TUBGCP6: variants seen among roughly 807,000 people sequenced by gnomAD.
TUBGCP6 encodes the protein tubulin gamma complex component 6, also known as gamma-tubulin complex component 6.
TUBGCP6 carries 161 observed loss-of-function variants against 175.8 expected under a neutral mutation model. That is an observed-to-expected ratio of 0.92 (90% CI 0.81 to 1.04). The LOEUF is 1.04. TUBGCP6 is among the 50% of genes least tolerant of loss of function. The pLI, the probability that TUBGCP6 is intolerant of heterozygous loss-of-function variation, is 0.00. For synonymous variants in TUBGCP6, 1,173 were observed against 1,030.5 expected (o/e 1.14, Z -2.65); for missense variants, 2,572 against 2,433.0 (o/e 1.06, Z -1.20).
chr22:50,220,260 CAG>C lies in TUBGCP6; in HGVS notation c.4097_4098del (p.Ser1366Ter). 1 of 1,557,474 alleles carries C rather than the reference CAG, an allele frequency of 6.4e-7. No homozygotes were observed. The highest frequency in any genetic ancestry group is 8.7e-7 in the Non-Finnish European group (1 of 1,147,608). On this transcript the variant is annotated frameshift_variant, in exon 16 of 25. Transcript: ENST00000248846. LOFTEE classifies it high-confidence loss of function. ...GCCACCCTACTCTGACCTAGTTCTTCAGAGACACTGTCTCCCGGGGTGTTGGG... is the reference window on the plus strand; with the variant it reads ...GCCACCCTACTCTGACCTAGTTCTTCAGACACTGTCTCCCGGGGTGTTGGG... Reference protein sequence around the residue: ...WWPNTPGDSVSEELGPGRSGD... With the variant: ...WWPNTPGDSVXEELGPGRSGD...
Position 50,237,249 on chromosome 22 carries a change from G to C in TUBGCP6, c.905+2955C>G, listed in dbSNP as rs185737038. 3.0e-3 allele frequency among the ~76,000 whole-genome samples: 461 copies of C among 152,394 alleles called. 4 individuals carry two copies. The highest frequency in any genetic ancestry group is 0.011 in the African/African-American group (440 of 41,602). ...GGCCCCCCGTGGGGTCTTGGGACCT[G>C]TGGGAAAGCAGGGTTGATGTCTTGG... is the stretch of plus-strand genomic sequence containing the variant. On this transcript the variant is annotated intron_variant, in intron 2 of 24. Coordinates refer to ENST00000248846, the MANE Select transcript of TUBGCP6 (RefSeq NM_020461.4).
At chr22:50,231,532 A>C (rs2064691879) in intron 3 of TUBGCP6, among the ~76,000 whole-genome samples, 1 of 152,056 alleles carries the variant, frequency 6.6e-6, no homozygotes. Flanking sequence ...AAGATCAACA[A>C]AATTGACAAG....
In TUBGCP6 at chr22:50,243,911, C is replaced by G; in HGVS notation, c.549G>C (p.Glu183Asp). The G allele has an allele frequency of 6.2e-7, 1 of 1,614,068 alleles. No individual in the cohort carries two copies. The highest frequency in any genetic ancestry group is 1.3e-5 in the African/African-American group (1 of 75,062). Residue 183 changes from glutamate to aspartate, a missense_variant, in exon 1 of 25, where the codon GAG (glutamate) becomes GAC (aspartate). Physicochemically the swap from Glu to Asp is conservative, Grantham distance 45 (BLOSUM62 2). Coordinates refer to ENST00000248846, the MANE Select transcript of TUBGCP6 (RefSeq NM_020461.4). ...TGGGCAGGCCAGTGCCTGGAGCAGC[C>G]TCCATAACCTGAAGTGTTTCCTGGA... ...SMIQETLQVM[E>D]AAPGTGLPTV...
At chr22:50,218,989 G>T in intron 20 of TUBGCP6, 79 bp downstream of exon 20, 1 of 1,594,374 alleles carries the variant, frequency 6.3e-7, no homozygotes, top group Non-Finnish European at 8.5e-7. Flanking sequence ...AGCAGCAGGG[G>T]GCTGTGGGCG....
chr22:50,244,530 G>A lies in TUBGCP6; in HGVS notation c.-71C>T, dbSNP rs2064894172. On this transcript the variant is annotated 5_prime_UTR_variant, in exon 1 of 25. Coordinates refer to ENST00000248846, the MANE Select transcript of TUBGCP6 (RefSeq NM_020461.4). ...CCCGGGCTTCACTCACGCTCCGGAA[G>A]ACAGGGAGTGAGAGAGGGTCCGAAG... 2.0e-6 allele frequency: 3 copies of A among 1,497,718 alleles called. No homozygotes were observed. The highest frequency in any genetic ancestry group is 4.4e-5 in the Admixed American group (2 of 45,092). The allele number at this position is 1,497,718 out of a possible 1,614,324, so 92.8% of individuals were successfully genotyped here. A position where few individuals can be genotyped will look rare whatever the true frequency, so the allele number is the denominator to read the frequency against.
intron 4 of TUBGCP6, 59 bp from the exon 5 acceptor site, chr22:50,228,087 G>C: frequency 6.8e-7 from 1 of 1,464,758 alleles, no homozygotes; most frequent in South Asian, 1.4e-5. Context: ...CCGTGCCCAG[G>C]GCCTGAGGGG....
At chr22:50,230,021 C>T (rs1037864022) in intron 3 of TUBGCP6, among the ~76,000 whole-genome samples, 4 of 152,078 alleles carry the variant, frequency 2.6e-5, no homozygotes, top group African/African-American at 7.2e-5. Context: ...ATAGAGGGCT[C>T]ATGACAACCA....
chr22:50,233,301 G>A lies in TUBGCP6; in HGVS notation c.1116+15C>T, dbSNP rs773838693. The A allele has an allele frequency of 6.9e-6, 11 of 1,605,160 alleles. No homozygotes were observed. Among genetic ancestry groups the A allele is most frequent in the Middle Eastern group, 3.3e-4 (2 of 6,066 alleles). On this transcript the variant is annotated intron_variant, in intron 3 of 24. Coordinates refer to ENST00000248846, the MANE Select transcript of TUBGCP6 (RefSeq NM_020461.4). ...CAGCCCCACACCACTGTGGCGGGGAGTGAGCAGTTCTCACCTGGCAGAGCG... is the reference window on the plus strand; with the variant it reads ...CAGCCCCACACCACTGTGGCGGGGAATGAGCAGTTCTCACCTGGCAGAGCG...
rs372838144 is a variant in TUBGCP6, at chr22:50,219,593, T to C, written c.4315+51A>G. 1,247 of 1,601,480 alleles carry C rather than the reference T, an allele frequency of 7.8e-4. 9 individuals carry two copies. In the African/African-American group the frequency reaches 0.015, roughly 19 times the overall value. On this transcript the variant is annotated intron_variant, in intron 18 of 24. Transcript: ENST00000248846. ...AACCCACAGGAGGTGGAGCACGTGC[T>C]GGGAACCAGCCAGCCCAGGGCTCCC...
At chr22:50,240,512 T>C in intron 1 of TUBGCP6, 145 bp from the exon 2 acceptor site, 1 of 1,007,584 alleles carries the variant, frequency 9.9e-7, no homozygotes, top group Non-Finnish European at 1.4e-6. Context: ...CATACAATGT[T>C]TCCCACCAAT....
intron 4 of TUBGCP6, 74 bp from the exon 5 acceptor site, chr22:50,228,102 A>G: frequency 7.0e-7 from 1 of 1,436,392 alleles, no homozygotes. Flanking sequence ...GAGGGGCACC[A>G]GTGCTGGGAA....
At position 50,220,471 on chromosome 22, in the gene TUBGCP6, G is replaced by T. The variant is rs201520991; in HGVS notation, c.3888C>A (p.Ser1296Arg). ...CTGACTGGGACGTGTGGCCAGGGGG[G>T]CTCTGTTGGGGCCTGGGTGTGTTGG... ...AEPNTPRPQQ[S>R]PPGHTSQSAL... The change falls in exon 16 of 25, where the codon AGC becomes AGA. Residue 1296 changes from serine (S) to arginine (R), a missense_variant. Physicochemically the swap from Ser to Arg is moderately radical, Grantham distance 110. Transcript: ENST00000248846. 6.2e-7 allele frequency: 1 copy of T among 1,613,044 alleles called. No homozygotes were observed. The highest frequency in any genetic ancestry group is 8.5e-7 in the Non-Finnish European group (1 of 1,179,956).
Position 50,226,859 on chromosome 22 carries a change from G to T in TUBGCP6, c.1492-17C>A. On this transcript the variant is annotated splice_polypyrimidine_tract_variant and intron_variant, in intron 6 of 24. Transcript: ENST00000248846. ...CTTCACGCCCTGCAGACCGCAAAGGGGGTGGGGGGCAGCTCAGCGCACCCA... is the reference window on the plus strand; with the variant it reads ...CTTCACGCCCTGCAGACCGCAAAGGTGGTGGGGGGCAGCTCAGCGCACCCA... 1 of 1,568,756 alleles carries T rather than the reference G, an allele frequency of 6.4e-7. No homozygotes were observed. Among genetic ancestry groups the T allele is most frequent in the East Asian group, 2.3e-5 (1 of 43,172 alleles).
intron 18 of TUBGCP6, 35 bp from the exon 19 acceptor site, chr22:50,219,491 G>T (rs1178730520): frequency 6.3e-7 from 1 of 1,594,732 alleles, no homozygotes; most frequent in Non-Finnish European, 8.5e-7. Context: ...GCTGGGAACC[G>T]GCCAGCCCAG....
chr22:50,218,035 G>A lies in TUBGCP6; in HGVS notation c.5251C>T (p.Leu1751Phe). The A allele has an allele frequency of 6.2e-7, 1 of 1,613,444 alleles. No homozygotes were observed. The highest frequency in any genetic ancestry group is 8.5e-7 in the Non-Finnish European group (1 of 1,179,942). The change falls in exon 24 of 25, where the codon CTC (leucine) becomes TTC (phenylalanine). Residue 1751 changes from leucine (L) to phenylalanine (F), a missense_variant. Leu to Phe is a conservative substitution (Grantham distance 22). Coordinates refer to ENST00000248846, the MANE Select transcript of TUBGCP6 (RefSeq NM_020461.4). Reference protein sequence around the residue: ...FSLVLKFRSQLISQAWGPPGG... With the variant: ...FSLVLKFRSQFISQAWGPPGG... ...GGGGGCCCCCAGGCCTGGGAGATGA[G>A]CTGGCTGCGGAACTTGAGCACGAGG... is the stretch of plus-strand genomic sequence containing the variant.
At chr22:50,231,880 G>C (rs1379419245) in intron 3 of TUBGCP6, among the ~76,000 whole-genome samples, 1 of 140,672 alleles carries the variant, frequency 7.1e-6, no homozygotes, top group South Asian at 2.3e-4. Flanking sequence ...AAAAAGAAAA[G>C]ATGACTATGA....
At chr22:50,237,652 G>C (rs2064792648) in intron 2 of TUBGCP6, among the ~76,000 whole-genome samples, 1 of 152,110 alleles carries the variant, frequency 6.6e-6, no homozygotes, top group Non-Finnish European at 1.5e-5. Flanking sequence ...CCTCCCTATA[G>C]GAACCACCGC....
In TUBGCP6 at chr22:50,233,503, G is replaced by C; in HGVS notation, c.929C>G (p.Pro310Arg). 2 of 1,608,382 alleles carry C rather than the reference G, an allele frequency of 1.2e-6. No individual in the cohort carries two copies. The highest frequency in any genetic ancestry group is 1.8e-4 in the Middle Eastern group (1 of 5,570). ...VGCPPGHREEPYLTEAGRDAF... is the reference protein window; with the variant it reads ...VGCPPGHREERYLTEAGRDAF... ...GTCCCTTCCCGCCTCCGTCAGGTAA[G>C]GCTCCTCTCTGTGGCCAGGGGGGCT... Residue 310 changes from proline (P) to arginine (R), a missense_variant, in exon 3 of 25, where the codon CCT becomes CGT. Transcript: ENST00000248846.
intron 2 of TUBGCP6, among the ~76,000 whole-genome samples, chr22:50,237,660 C>T (rs181703046): frequency 9.9e-5 from 15 of 152,246 alleles, no homozygotes; most frequent in Middle Eastern, 6.8e-3. Flanking sequence ...TAGGAACCAC[C>T]GCCAGGCCCC....
Sources: gnomAD v4.1 joint callset for allele counts (sites outside exome capture counted in the v4.1 genomes callset) on GRCh38, gnomAD v4.1.1 for gene constraint, MANE v1.5 for transcripts, NCBI Gene and HGNC (gene_info 2026-07-23, HGNC 2026-07-21) for gene names.